PTPDC1: variants seen among roughly 807,000 people sequenced by gnomAD.
PTPDC1 encodes protein tyrosine phosphatase domain containing 1.
PTPDC1 carries 53 observed loss-of-function variants against 75.3 expected under a neutral mutation model. That is an observed-to-expected ratio of 0.70 (90% CI 0.56 to 0.88). The LOEUF is 0.88. Among genes scored for constraint, PTPDC1 ranks in the 40% least tolerant of loss-of-function variants. PTPDC1 has a pLI of 0.00. For synonymous variants in PTPDC1, 349 were observed against 366.2 expected (o/e 0.95, Z 0.54); for missense variants, 925 against 998.6 (o/e 0.93, Z 0.99).
Position 94,097,665 on chromosome 9 carries a change from G to A in PTPDC1, c.1099G>A (p.Gly367Arg), listed in dbSNP as rs1827648997. The change falls in exon 6 of 9, where the codon GGA becomes AGA. Residue 367 changes from glycine to arginine, a missense_variant. By Grantham distance (125) the Gly-to-Arg change is moderately radical (BLOSUM62 -2). Transcript: ENST00000620992. ...AGTGATGATGAAGGATGTGTCCGAA[G>A]GACCTGGTCTCTCTGCTGAAATAGA... The part of the protein sequence containing the change: ...RPVMMKDVSE[G>R]PGLSAEIEKT... 6.2e-7 allele frequency: 1 copy of A among 1,614,158 alleles called. No homozygotes were observed. The highest frequency in any genetic ancestry group is 2.2e-5 in the East Asian group (1 of 44,892).
At chr9:94,067,116 G>T (rs558238068) in intron 2 of PTPDC1, among the ~76,000 whole-genome samples, 1 of 152,026 alleles carries the variant, frequency 6.6e-6, no homozygotes, top group Non-Finnish European at 1.5e-5. Context: ...TTGGCTGGGC[G>T]CGGTAGCTCA....
Position 94,045,296 on chromosome 9 carries a change from G to A in PTPDC1, c.-7+14169G>A, listed in dbSNP as rs1021948442. On this transcript the variant is annotated intron_variant, in intron 1 of 9. Coordinates refer to the PTPDC1 transcript ENST00000375360. ...CTTTGCTATTGTCAATAGTGCCGCAGTAAACATACGTGTGCATGTGTCTTT... is the reference window on the plus strand; with the variant it reads ...CTTTGCTATTGTCAATAGTGCCGCAATAAACATACGTGTGCATGTGTCTTT... Among the ~76,000 whole-genome samples the A allele has an allele frequency of 3.3e-5, 5 of 152,026 alleles. 1 individual carries two copies. The highest frequency in any genetic ancestry group is 1.5e-5 in the Non-Finnish European group (1 of 67,948).
intron 1 of PTPDC1, among the ~76,000 whole-genome samples, chr9:94,053,370 T>G (rs925364324): frequency 6.6e-6 from 1 of 152,138 alleles, no homozygotes; most frequent in East Asian, 1.9e-4. Context: ...AAAAAGGAAT[T>G]TTATATAGTC....
chr9:94,074,879 G>GA (rs1826633139), intron 2 of PTPDC1, among the ~76,000 whole-genome samples: 1 of 152,188 alleles, frequency 6.6e-6, no homozygotes, highest in South Asian at 2.1e-4. Context: ...AAGTTATGGG[G>GA]AAAGTAGAGT....
intron 1 of PTPDC1, among the ~76,000 whole-genome samples, chr9:94,060,313 A>G (rs1344954043): frequency 1.3e-5 from 2 of 152,244 alleles, no homozygotes; most frequent in Non-Finnish European, 2.9e-5. Context: ...TACTGTTTAG[A>G]CAAAGATATT....
chr9:94,093,098 T>C (rs370692515), intron 4 of PTPDC1, among the ~76,000 whole-genome samples: 1 of 152,134 alleles, frequency 6.6e-6, no homozygotes, highest in Non-Finnish European at 1.5e-5. Flanking sequence ...AAAGATAATA[T>C]TGTTATGTGT....
chr9:94,089,232 C>A (rs4609253), intron 4 of PTPDC1, among the ~76,000 whole-genome samples: 9,104 of 116,080 alleles, frequency 0.078, 419 homozygotes, highest in East Asian at 0.14. Context: ...CTCCCCCCTC[C>A]CCCCACCCCA....
chr9:94,094,737 G>A (rs76823855), intron 4 of PTPDC1, among the ~76,000 whole-genome samples: 1 of 152,218 alleles, frequency 6.6e-6, no homozygotes, highest in African/African-American at 2.4e-5. Context: ...AGACTCCGTG[G>A]GCGTAGGACC....
rs775910138 is a variant in PTPDC1 at position 94,085,346 on chromosome 9, G to C, written c.340G>C (p.Gly114Arg). The C allele has an allele frequency of 6.2e-7, 1 of 1,614,210 alleles. No homozygotes were observed. The highest frequency in any genetic ancestry group is 1.1e-5 in the South Asian group (1 of 91,084). The change falls in exon 2 of 9, where the codon GGT becomes CGT. Residue 114 changes from glycine to arginine, a missense_variant. Coordinates refer to ENST00000620992, the MANE Select transcript of PTPDC1 (RefSeq NM_001253829.2). The part of the protein sequence containing the change: ...GHMACSMACG[G>R]RACKYENPAR... Reference sequence around the variant, plus strand: ...CATGGCATGTTCCATGGCGTGTGGCGGTAGAGCTTGCAAGTATGAGAACCC... The same window carrying C: ...CATGGCATGTTCCATGGCGTGTGGCCGTAGAGCTTGCAAGTATGAGAACCC...
chr9:94,071,876 T>G (rs1429020816), intron 2 of PTPDC1, among the ~76,000 whole-genome samples: 1 of 152,256 alleles, frequency 6.6e-6, no homozygotes, highest in African/African-American at 2.4e-5. Flanking sequence ...ATAATCACGT[T>G]TCTCTTTTTT....
chr9:94,058,436 C>A (rs922796588), intron 1 of PTPDC1, among the ~76,000 whole-genome samples: 2 of 152,036 alleles, frequency 1.3e-5, no homozygotes, highest in African/African-American at 4.8e-5. Flanking sequence ...CGGTGGCTCA[C>A]ACCTGTAATC....
chr9:94,083,002 G>A (rs747010488), upstream of PTPDC1, among the ~76,000 whole-genome samples: 4 of 152,214 alleles, frequency 2.6e-5, no homozygotes, highest in Non-Finnish European at 5.9e-5. Context: ...CCATGGACTT[G>A]TTTCTGCAGA....
intron 1 of PTPDC1, among the ~76,000 whole-genome samples, chr9:94,038,970 C>G (rs1379765988): frequency 1.3e-5 from 2 of 152,144 alleles, no homozygotes; most frequent in African/African-American, 4.8e-5. Flanking sequence ...TCTATAAGGT[C>G]ACATGCTTTT....
In PTPDC1 at chr9:94,085,356, G is replaced by A; in HGVS notation, c.350G>A (p.Cys117Tyr). 2.5e-6 allele frequency: 4 copies of A among 1,614,224 alleles called. No homozygotes were observed. Among genetic ancestry groups the A allele is most frequent in the Non-Finnish European group, 2.5e-6 (3 of 1,180,040 alleles). The change falls in exon 2 of 9, where the codon TGC (cysteine) becomes TAC (tyrosine). Residue 117 changes from cysteine (C) to tyrosine (Y), a missense_variant. Cys to Tyr is a radical substitution (Grantham distance 194, BLOSUM62 -2). Coordinates refer to ENST00000620992, the MANE Select transcript of PTPDC1 (RefSeq NM_001253829.2). ...ACSMACGGRACKYENPARWSE... is the reference protein window; with the variant it reads ...ACSMACGGRAYKYENPARWSE... ...TCCATGGCGTGTGGCGGTAGAGCTT[G>A]CAAGTATGAGAACCCAGCCCGCTGG...
chr9:94,082,061 G>A (rs983752372), upstream of PTPDC1, among the ~76,000 whole-genome samples: 2 of 152,120 alleles, frequency 1.3e-5, no homozygotes, highest in African/African-American at 4.8e-5. Context: ...AGGAGCCCTC[G>A]AGCCCAAAAA....
chr9:94,038,011 C>T (rs886338045), intron 1 of PTPDC1: 3 of 357,522 alleles, frequency 8.4e-6, no homozygotes, highest in East Asian at 6.5e-5. Context: ...GTTGCGCCAG[C>T]GACAAAAAAG....
intron 7 of PTPDC1, among the ~76,000 whole-genome samples, chr9:94,102,736 G>A (rs1012670016): frequency 2.6e-5 from 4 of 151,934 alleles, no homozygotes; most frequent in Non-Finnish European, 5.9e-5. Context: ...GTGCCACCAC[G>A]CCCGGCTAAT....
intron 2 of PTPDC1, among the ~76,000 whole-genome samples, chr9:94,086,729 T>C (rs1827086354): frequency 6.6e-6 from 1 of 152,232 alleles, no homozygotes; most frequent in African/African-American, 2.4e-5. Flanking sequence ...GTCAGTGTGC[T>C]AGATGCTTTC....
At chr9:94,073,569 T>G (rs1210915284) in intron 2 of PTPDC1, among the ~76,000 whole-genome samples, 2 of 152,202 alleles carry the variant, frequency 1.3e-5, no homozygotes, top group Non-Finnish European at 2.9e-5. Flanking sequence ...TGATTTGCAC[T>G]GTTGTTTTCC....
Sources: allele counts gnomAD v4.1 joint callset (sites outside exome capture counted in the v4.1 genomes callset), GRCh38; gene constraint gnomAD v4.1.1; transcripts MANE v1.5; gene names NCBI Gene and HGNC (gene_info 2026-07-23, HGNC 2026-07-21).